The following MNAT1 variants were observed in gnomAD, a reference collection of about 807,000 sequenced individuals.
MNAT1 encodes CDK-activating kinase assembly factor MAT1.
A neutral mutation model predicts 42.0 loss-of-function variants in MNAT1; 43 were observed. The observed-to-expected ratio is 1.02, with a 90% CI of 0.80 to 1.32. The LOEUF is 1.32. MNAT1 is among the 40% of genes most tolerant of loss of function. The probability of loss-of-function intolerance (pLI) is 0.00; values close to 1 mark genes in which losing one functional copy is unlikely to be tolerated. For missense variants in MNAT1, 306 were observed against 350.4 expected (o/e 0.87, Z 1.01); for synonymous variants, 118 against 120.0 (o/e 0.98, Z 0.11).
intron 7 of MNAT1, among the ~76,000 whole-genome samples, chr14:60,883,724 TTG>T (rs142739950): frequency 6.6e-6 from 1 of 151,994 alleles, no homozygotes; most frequent in Non-Finnish European, 1.5e-5. Context: ...GGAATATCTT[TTG>T]TGTGTGTGTG....
intron 7 of MNAT1, among the ~76,000 whole-genome samples, chr14:60,890,332 T>A (rs118143578): frequency 7.4e-4 from 112 of 152,274 alleles, no homozygotes; most frequent in Admixed American, 1.2e-3. Flanking sequence ...CTTGGTATGT[T>A]GTTGATTGCA....
At chr14:60,780,306 C>CAA in intron 1 of MNAT1, 1 of 1,524,604 alleles carries the variant, frequency 6.6e-7, no homozygotes, top group Non-Finnish European at 9.1e-7. Flanking sequence ...GATAAGACTG[C>CAA]AAAAGATGAC....
intron 6 of MNAT1, among the ~76,000 whole-genome samples, chr14:60,841,330 T>G (rs1186657207): frequency 6.6e-6 from 1 of 152,122 alleles, no homozygotes; most frequent in Non-Finnish European, 1.5e-5. Flanking sequence ...AGTGATCTTC[T>G]GTAGTGTCTA....
At chr14:60,959,459 T>A (rs977741545) in intron 7 of MNAT1, among the ~76,000 whole-genome samples, 1 of 152,226 alleles carries the variant, frequency 6.6e-6, no homozygotes, top group Admixed American at 6.5e-5. Context: ...TGGTTGCTGA[T>A]TTCTCAGGCA....
chr14:60,781,753 T>C (rs1404272087), intron 1 of MNAT1, among the ~76,000 whole-genome samples: 2 of 152,172 alleles, frequency 1.3e-5, no homozygotes, highest in African/African-American at 2.4e-5. Context: ...TAGTCATTTG[T>C]TCATAGGGGA....
intron 4 of MNAT1, among the ~76,000 whole-genome samples, chr14:60,809,500 G>A (rs2032479149): frequency 6.6e-6 from 1 of 152,064 alleles, no homozygotes; most frequent in Admixed American, 6.6e-5. Context: ...ATGCAAAATA[G>A]GTATGCGTAG....
intron 7 of MNAT1, among the ~76,000 whole-genome samples, chr14:60,912,789 T>TTG (rs2035403463): frequency 2.0e-5 from 3 of 152,236 alleles, no homozygotes; most frequent in Non-Finnish European, 4.4e-5. Context: ...TTGGTGAATC[T>TTG]GACAGTTATG....
At chr14:60,957,694 T>G (rs2036510639) in intron 7 of MNAT1, among the ~76,000 whole-genome samples, 1 of 152,226 alleles carries the variant, frequency 6.6e-6, no homozygotes, top group South Asian at 2.1e-4. Context: ...ATTAACAAAT[T>G]TTTGTAGCTC....
intron 6 of MNAT1, among the ~76,000 whole-genome samples, chr14:60,850,069 T>C (rs2139415615): frequency 6.6e-6 from 1 of 152,274 alleles, no homozygotes; most frequent in Middle Eastern, 3.4e-3. Context: ...ACTCCTGACC[T>C]CAGGTGATGC....
At chr14:60,950,241 A>G (rs553524256) in intron 7 of MNAT1, among the ~76,000 whole-genome samples, 8 of 152,182 alleles carry the variant, frequency 5.3e-5, no homozygotes, top group African/African-American at 1.7e-4. Flanking sequence ...TTTTCCTTGC[A>G]CTCATAGTTG....
chr14:60,741,812 T>A (rs1896477000), intron 1 of MNAT1, among the ~76,000 whole-genome samples: 1 of 151,834 alleles, frequency 6.6e-6, no homozygotes, highest in Non-Finnish European at 1.5e-5. Context: ...CTGGCCCCCA[T>A]CCATTTACTT....
At chr14:60,936,972 G>A (rs1196633249) in intron 7 of MNAT1, among the ~76,000 whole-genome samples, 2 of 151,678 alleles carry the variant, frequency 1.3e-5, no homozygotes, top group South Asian at 2.1e-4. Flanking sequence ...TTCTCTGATG[G>A]CCAGTGATGC....
chr14:60,945,080 T>C (rs2036245216), intron 7 of MNAT1, among the ~76,000 whole-genome samples: 1 of 152,208 alleles, frequency 6.6e-6, no homozygotes, highest in African/African-American at 2.4e-5. Context: ...GTTTCAAAGC[T>C]ACTAAGAACC....
intron 6 of MNAT1, among the ~76,000 whole-genome samples, chr14:60,862,921 A>C (rs2034129266): frequency 6.6e-6 from 1 of 152,286 alleles, no homozygotes; most frequent in East Asian, 1.9e-4. Flanking sequence ...GTGGTAGAAC[A>C]AAGTGTGCAG....
intron 1 of MNAT1, among the ~76,000 whole-genome samples, chr14:60,742,973 G>A (rs1043243492): frequency 4.6e-5 from 7 of 152,116 alleles, no homozygotes; most frequent in African/African-American, 1.7e-4. Flanking sequence ...ACAAGTTTTC[G>A]TATGGACAAA....
At chr14:60,916,471 A>G (rs1401588120) in intron 7 of MNAT1, among the ~76,000 whole-genome samples, 1 of 152,096 alleles carries the variant, frequency 6.6e-6, no homozygotes, top group Non-Finnish European at 1.5e-5. Flanking sequence ...TCTGGGCAAC[A>G]TAACAAGATC....
Position 60,821,611 on chromosome 14 carries a change from G to C in MNAT1, c.687+2764G>C, listed in dbSNP as rs1013066200. On this transcript the variant is annotated intron_variant, in intron 6 of 7. Coordinates refer to ENST00000261245, the MANE Select transcript of MNAT1 (RefSeq NM_002431.4). ...TACTTATAATTTATGCATCGATCAA[G>C]TGTGATTTTCATGAACCCTCTTTTG... 1.1e-3 allele frequency among the ~76,000 whole-genome samples: 162 copies of C among 152,146 alleles called. 1 individual carries two copies. The highest frequency in any genetic ancestry group is 2.3e-3 in the Non-Finnish European group (156 of 68,024).
chr14:60,748,284 G>A lies in MNAT1; in HGVS notation c.89+13333G>A, dbSNP rs188514339. On this transcript the variant is annotated intron_variant, in intron 1 of 7. Coordinates refer to ENST00000261245, the MANE Select transcript of MNAT1 (RefSeq NM_002431.4). ...CTTGCTCTGTCACCCAGGCTGGAGT[G>A]CAGGGGCATGATCACGGCTCACTGC... is the stretch of plus-strand genomic sequence containing the variant. 6.6e-3 allele frequency among the ~76,000 whole-genome samples: 1,011 copies of A among 152,186 alleles called. 9 individuals carry two copies. The highest frequency in any genetic ancestry group is 0.014 in the Middle Eastern group (4 of 294).
rs186864081 is a variant in MNAT1 at position 60,798,813 on chromosome 14, C to T, written c.316+653C>T. Among the ~76,000 whole-genome samples the T allele has an allele frequency of 2.6e-5, 4 of 152,170 alleles. No individual in the cohort carries two copies. In the East Asian group the frequency reaches 7.7e-4, roughly 29 times the overall value. ...AAAATAATGCTGCTTTTTAAACTTG[C>T]AGTAATTATTACTAAGTGCGGGTTT... On this transcript the variant is annotated intron_variant, in intron 3 of 7. Transcript: ENST00000261245.
Sources: gnomAD v4.1 joint callset for allele counts (sites outside exome capture counted in the v4.1 genomes callset) on GRCh38, gnomAD v4.1.1 for gene constraint, MANE v1.5 for transcripts, NCBI Gene and HGNC (gene_info 2026-07-23, HGNC 2026-07-21) for gene names.